MRC1: variants seen among roughly 807,000 people sequenced by gnomAD.
The protein encoded by MRC1 is macrophage mannose receptor 1.
MRC1 carries 62 observed loss-of-function variants against 102.9 expected under a neutral mutation model. The ratio of observed to expected loss-of-function variants is 0.60; its 90% CI spans 0.49 to 0.74. MRC1 has a LOEUF of 0.74. Among genes scored for constraint, MRC1 ranks in the 30% least tolerant of loss-of-function variants. The probability of loss-of-function intolerance (pLI) is 0.00; values close to 1 mark genes in which losing one functional copy is unlikely to be tolerated. For synonymous variants in MRC1, 457 were observed against 298.4 expected, an observed-to-expected ratio of 1.53 and a Z score of -5.48; for missense variants, 1,237 against 862.8, an observed-to-expected ratio of 1.43 and a Z score of -5.43.
intron 4 of MRC1, among the ~76,000 whole-genome samples, chr10:17,834,767 GC>G (rs1257495457): frequency 2.0e-5 from 3 of 152,142 alleles, no homozygotes; most frequent in Admixed American, 2.0e-4. Flanking sequence ...GACTAAAAGG[GC>G]TAAAGTTTGC....
intron 1 of MRC1, among the ~76,000 whole-genome samples, chr10:17,815,830 TTTC>T: frequency 9.8e-6 from 1 of 102,052 alleles, no homozygotes; most frequent in East Asian, 2.4e-4. Flanking sequence ...TTCTTTTTCT[TTTC>T]TTTTTTTTTT....
rs1034105549 is a variant in MRC1, at chr10:17,883,732, G to A, written c.2981-1537G>A. ...GTTTAAGTGTAAATGTTTGCAAAGT[G>A]TTGTTCAGTAGAGTAGGTACTTGTT... On this transcript the variant is annotated intron_variant, in intron 21 of 29. Coordinates refer to ENST00000569591, the MANE Select transcript of MRC1 (RefSeq NM_002438.4). 6.3e-3 allele frequency among the ~76,000 whole-genome samples: 961 copies of A among 152,322 alleles called. 5 individuals carry two copies. The highest frequency in any genetic ancestry group is 0.011 in the Non-Finnish European group (720 of 68,028).
chr10:17,880,953 T>A (rs1589190086), intron 20 of MRC1, 114 bp from the exon 21 acceptor site: 1 of 733,826 alleles, frequency 1.4e-6, no homozygotes, highest in Non-Finnish European at 2.5e-6. Context: ...GGTGAGAAAA[T>A]TCTGATTTAG....
intron 11 of MRC1, chr10:17,865,475 T>C (rs1833251951): frequency 6.6e-6 from 1 of 152,240 alleles, no homozygotes; most frequent in Non-Finnish European, 1.5e-5. Context: ...TCTGAGGAGT[T>C]AACCCTGGAA....
At chr10:17,899,557 T>A (rs1833800940) in intron 24 of MRC1, among the ~76,000 whole-genome samples, 1 of 152,300 alleles carries the variant, frequency 6.6e-6, no homozygotes, top group Non-Finnish European at 1.5e-5. Flanking sequence ...AACATACTTC[T>A]AATTTTTGTC....
At chr10:17,888,761 C>T (rs1833635096) in intron 22 of MRC1, among the ~76,000 whole-genome samples, 1 of 152,202 alleles carries the variant, frequency 6.6e-6, no homozygotes, top group Non-Finnish European at 1.5e-5. Flanking sequence ...AAGTAGTTTA[C>T]AGATGTCAAT....
Position 17,833,760 on chromosome 10 carries a change from C to T in MRC1, c.723C>T (p.His241=). 1.3e-6 allele frequency: 1 copy of T among 781,066 alleles called. No individual in the cohort carries two copies. The highest frequency in any genetic ancestry group is 2.4e-6 in the Non-Finnish European group (1 of 418,138). The allele number at this position is 781,066 out of a possible 1,614,324, so 48.4% of individuals were successfully genotyped here. ...QINSKSALTW[H]QARKSCQQQN... is the part of the protein sequence containing the mutation. ...ACTCCAAATCCGCTTTAACGTGGCA[C>T]CAGGCGAGGAAAAGCTGCCAACAAC... is the stretch of plus-strand genomic sequence containing the variant. The change falls in exon 4 of 30, where the codon CAC becomes CAT. Residue 241 remains histidine (H), a synonymous_variant. Transcript: ENST00000569591.
intron 1 of MRC1, among the ~76,000 whole-genome samples, chr10:17,814,662 G>A (rs1389173896): frequency 2.0e-5 from 3 of 149,454 alleles, no homozygotes; most frequent in African/African-American, 7.4e-5. Flanking sequence ...CCGTGTTCTC[G>A]GTCCTTCCGT....
At chr10:17,868,515 A>C (rs1304308006) in intron 12 of MRC1, among the ~76,000 whole-genome samples, 1 of 152,186 alleles carries the variant, frequency 6.6e-6, no homozygotes, top group Non-Finnish European at 1.5e-5. Flanking sequence ...CTCCTTCAAC[A>C]TGTGGGGATT....
intron 1 of MRC1, among the ~76,000 whole-genome samples, chr10:17,812,535 G>A (rs976431218): frequency 1.3e-5 from 2 of 151,580 alleles, no homozygotes; most frequent in Non-Finnish European, 2.9e-5. Flanking sequence ...ATGCCCCTGG[G>A]GGCAGAGTTG....
rs1320157476 is a variant in MRC1, at chr10:17,876,473, C to T, written c.2550+1220C>T. Among the ~76,000 whole-genome samples the T allele has an allele frequency of 2.0e-5, 3 of 152,202 alleles. No homozygotes were observed. The East Asian group carries it at 5.8e-4, about 29-fold the overall frequency. ...ATGTTGGCCAAGCTGACCTTGAACT[C>T]CTGACCTTAAGTGATCTGCCTGCCT... On this transcript the variant is annotated intron_variant, in intron 17 of 29. Transcript: ENST00000569591.
At chr10:17,828,622 A>C (rs1469970171) in intron 3 of MRC1, among the ~76,000 whole-genome samples, 2 of 151,624 alleles carry the variant, frequency 1.3e-5, no homozygotes, top group African/African-American at 4.9e-5. Context: ...CTTCACAGTG[A>C]AAATGATAGT....
chr10:17,856,296 A>G lies in MRC1; in HGVS notation c.1462A>G (p.Met488Val), dbSNP rs2130652892. 1 of 866,272 alleles carries G rather than the reference A, an allele frequency of 1.2e-6. No individual in the cohort carries two copies. Among genetic ancestry groups the G allele is most frequent in the South Asian group, 1.3e-5 (1 of 74,806 alleles). 53.7% of individuals were successfully genotyped at this position (866,272 alleles called of 1,614,324 possible). A position where few individuals can be genotyped will look rare whatever the true frequency, so the allele number is the denominator to read the frequency against. ...GTGGCCTCTTGGCTACATCTGCAAG[A>G]TGAAATCACGAAGCCAAGGTCCAGA... ...CEWPLGYICKMKSRSQGPEIV... is the reference protein window; with the variant it reads ...CEWPLGYICKVKSRSQGPEIV... The change falls in exon 9 of 30, where the codon ATG (methionine) becomes GTG (valine). Residue 488 changes from methionine (M) to valine (V), a missense_variant. Coordinates refer to ENST00000569591, the MANE Select transcript of MRC1 (RefSeq NM_002438.4).
intron 24 of MRC1, among the ~76,000 whole-genome samples, 190 bp from the exon 25 acceptor site, chr10:17,900,598 T>C (rs966789026): frequency 5.3e-5 from 8 of 152,182 alleles, no homozygotes; most frequent in Non-Finnish European, 8.8e-5. Context: ...AAATAACTGT[T>C]TCTAAGAAAG....
Position 17,898,328 on chromosome 10 carries a change from T to A in MRC1, c.3483+62T>A, listed in dbSNP as rs1238483051. On this transcript the variant is annotated intron_variant, in intron 24 of 29. Transcript: ENST00000569591. ...AGTGAATTATGGTTGAATATGATTATCTTTCTGTTTGTTCTGTTGAATACT... is the reference window on the plus strand; with the variant it reads ...AGTGAATTATGGTTGAATATGATTAACTTTCTGTTTGTTCTGTTGAATACT... The A allele has an allele frequency of 2.8e-5, 22 of 780,552 alleles. No homozygotes were observed. In the East Asian group the frequency reaches 4.8e-4, roughly 17 times the overall value. The allele number at this position is 780,552 out of a possible 1,614,324, so 48.4% of individuals were successfully genotyped here. A position where few individuals can be genotyped will look rare whatever the true frequency, so the allele number is the denominator to read the frequency against.
chr10:17,870,434 G>A lies in MRC1; in HGVS notation c.2111+61G>A. ...ATCTAGTTGGTGCTTATGAAGTTGA[G>A]AAAATTTGTCTGTTTCTGAAATTGT... On this transcript the variant is annotated intron_variant, in intron 13 of 29. Coordinates refer to ENST00000569591, the MANE Select transcript of MRC1 (RefSeq NM_002438.4). 9.0e-6 allele frequency: 7 copies of A among 779,204 alleles called. No homozygotes were observed. The Admixed American group carries it at 1.2e-4, about 13-fold the overall frequency. The allele number at this position is 779,204 out of a possible 1,614,324, so 48.3% of individuals were successfully genotyped here. A position where few individuals can be genotyped will look rare whatever the true frequency, so the allele number is the denominator to read the frequency against.
intron 8 of MRC1, among the ~76,000 whole-genome samples, chr10:17,853,594 GTGTGTGTA>G (rs1288070175): frequency 5.8e-5 from 8 of 138,214 alleles, no homozygotes; most frequent in East Asian, 3.9e-4. Context: ...GTGTGTGTGT[GTGTGTGTA>G]TATATATATA....
At chr10:17,885,930 C>T in intron 22 of MRC1, among the ~76,000 whole-genome samples, 1 of 152,094 alleles carries the variant, frequency 6.6e-6, no homozygotes, top group Non-Finnish European at 1.5e-5. Flanking sequence ...CAGATTGCTA[C>T]TTTATTTTAC....
At chr10:17,834,297 C>G (rs1554839297) in intron 4 of MRC1, among the ~76,000 whole-genome samples, 1 of 152,176 alleles carries the variant, frequency 6.6e-6, no homozygotes, top group Non-Finnish European at 1.5e-5. Flanking sequence ...ACCCTGAAAC[C>G]CTGAGTTCTT....
Sources: allele counts gnomAD v4.1 joint callset (sites outside exome capture counted in the v4.1 genomes callset), GRCh38; gene constraint gnomAD v4.1.1; transcripts MANE v1.5; gene names NCBI Gene and HGNC (gene_info 2026-07-23, HGNC 2026-07-21).